Variants in C3orf20 observed in about 807,000 individuals in gnomAD.
The protein encoded by C3orf20 is family with sequence similarity 149 member C.
A neutral mutation model predicts 88.3 loss-of-function variants in C3orf20; 76 were observed. The ratio of observed to expected loss-of-function variants is 0.86; its 90% confidence interval spans 0.72 to 1.04. The LOEUF (loss-of-function observed/expected upper bound fraction) is 1.04, where lower values mean the gene tolerates loss of function less well. Ranked by LOEUF, C3orf20 falls within the 50% of genes least tolerant of loss-of-function variation. C3orf20 has a pLI of 0.00. For synonymous variants in C3orf20, 436 were observed against 437.4 expected, an observed-to-expected ratio of 1.00 and a Z score of 0.04; for missense variants, 1,056 against 1,123.3, an observed-to-expected ratio of 0.94 and a Z score of 0.86.
At chr3:14,738,807 A>ATTTT (rs1221697056) in intron 12 of C3orf20, among the ~76,000 whole-genome samples, 20 of 98,914 alleles carry the variant, frequency 2.0e-4, no homozygotes, top group African/African-American at 2.6e-4. Flanking sequence ...TGCCTGGCTA[A>ATTTT]TTTTTTTGTT....
intron 5 of C3orf20, among the ~76,000 whole-genome samples, chr3:14,693,448 CCTGA>C (rs1559400803): frequency 6.6e-6 from 1 of 151,592 alleles, no homozygotes; most frequent in Non-Finnish European, 1.5e-5. Context: ...TTCTTTAATT[CCTGA>C]CTATTTTAAA....
At chr3:14,764,480 T>TTTTTTATTA (rs770013903) in intron 15 of C3orf20, among the ~76,000 whole-genome samples, 332 of 148,744 alleles carry the variant, frequency 2.2e-3, no homozygotes, top group Non-Finnish European at 4.1e-3. Context: ...AACACAATCG[T>TTTTTTATTA]TTATTATTAT....
chr3:14,736,967 C>G (rs1022665727), intron 12 of C3orf20, among the ~76,000 whole-genome samples: 11 of 152,142 alleles, frequency 7.2e-5, no homozygotes, highest in Admixed American at 3.3e-4. Flanking sequence ...CTGGCTTCTA[C>G]CATTTTATTA....
intron 12 of C3orf20, among the ~76,000 whole-genome samples, chr3:14,730,411 G>A (rs995540089): frequency 1.3e-5 from 2 of 152,040 alleles, no homozygotes; most frequent in African/African-American, 4.8e-5. Context: ...GCCGGGTGTG[G>A]TGGTGGGCGC....
intron 4 of C3orf20, among the ~76,000 whole-genome samples, chr3:14,689,021 G>C (rs1382978553): frequency 6.6e-6 from 1 of 152,048 alleles, no homozygotes; most frequent in Non-Finnish European, 1.5e-5. Flanking sequence ...TATGCACCTG[G>C]CTTCTTATTT....
intron 12 of C3orf20, among the ~76,000 whole-genome samples, chr3:14,732,805 T>G (rs1383539640): frequency 1.3e-5 from 2 of 152,214 alleles, no homozygotes; most frequent in African/African-American, 4.8e-5. Flanking sequence ...CTGCTATGTT[T>G]TCTTCTAAAA....
Position 14,753,579 on chromosome 3 carries a change from T to C in C3orf20, c.1941-3792T>C, listed in dbSNP as rs10084704. On this transcript the variant is annotated intron_variant, in intron 12 of 16. Transcript: ENST00000253697. ...CCTTGGGGACAGTTTCTAGTAAATT[T>C]TTTTCCTGTGAGTGGTCCATACTTT... Among the ~76,000 whole-genome samples, 133 of 152,344 alleles carry C rather than the reference T, an allele frequency of 8.7e-4. 1 individual carries two copies. Among genetic ancestry groups the C allele is most frequent in the African/African-American group, 3.1e-3 (130 of 41,568 alleles).
At chr3:14,716,186 G>T (rs112887486) in intron 9 of C3orf20, among the ~76,000 whole-genome samples, 1 of 152,180 alleles carries the variant, frequency 6.6e-6, no homozygotes, top group Non-Finnish European at 1.5e-5. Context: ...TGTAGCCTCT[G>T]GGGGGCAAAA....
intron 5 of C3orf20, among the ~76,000 whole-genome samples, chr3:14,693,676 C>A (rs912684863): frequency 6.6e-6 from 1 of 152,054 alleles, no homozygotes; most frequent in Non-Finnish European, 1.5e-5. Flanking sequence ...TTTGGATGCC[C>A]TTTATTTCTT....
chr3:14,688,883 A>G (rs1358811330), intron 4 of C3orf20, among the ~76,000 whole-genome samples: 2 of 152,100 alleles, frequency 1.3e-5, no homozygotes, highest in Non-Finnish European at 2.9e-5. Context: ...ACATGGCTAT[A>G]TACTTTAAAT....
intron 9 of C3orf20, among the ~76,000 whole-genome samples, chr3:14,720,024 T>C (rs1423726051): frequency 6.6e-6 from 1 of 151,750 alleles, no homozygotes; most frequent in African/African-American, 2.4e-5. Flanking sequence ...TTGTTTTGTT[T>C]TGTTTTTTGT....
At chr3:14,679,937 A>C (rs932375074) in intron 1 of C3orf20, among the ~76,000 whole-genome samples, 2 of 152,246 alleles carry the variant, frequency 1.3e-5, no homozygotes, top group Non-Finnish European at 2.9e-5. Flanking sequence ...ATTAGTCATT[A>C]GGGAAATACA....
intron 12 of C3orf20, 109 bp downstream of exon 12, chr3:14,728,797 C>A: frequency 9.5e-7 from 1 of 1,056,634 alleles, no homozygotes; most frequent in Non-Finnish European, 1.4e-6. Flanking sequence ...GCTTAAATTC[C>A]AAGGGCAAGT....
At chr3:14,678,688 G>A (rs2031922566) in intron 1 of C3orf20, among the ~76,000 whole-genome samples, 1 of 152,156 alleles carries the variant, frequency 6.6e-6, no homozygotes, top group Non-Finnish European at 1.5e-5. Flanking sequence ...ATCTGCGTGG[G>A]TCCCTTAGGC....
intron 13 of C3orf20, among the ~76,000 whole-genome samples, chr3:14,758,508 C>A (rs12630941): frequency 0.029 from 4,397 of 152,264 alleles, 101 homozygotes; most frequent in East Asian, 0.13. Flanking sequence ...AGGCTGGCCC[C>A]AACCCCAGAC....
intron 12 of C3orf20, among the ~76,000 whole-genome samples, chr3:14,751,100 A>G (rs1394796242): frequency 6.6e-6 from 1 of 151,982 alleles, no homozygotes; most frequent in African/African-American, 2.4e-5. Context: ...TATTTTAGTT[A>G]TTTTACTTTT....
At chr3:14,691,631 A>C (rs1365164187) in intron 5 of C3orf20, among the ~76,000 whole-genome samples, 1 of 152,060 alleles carries the variant, frequency 6.6e-6, no homozygotes, top group Non-Finnish European at 1.5e-5. Flanking sequence ...TTTAATTTTA[A>C]ATTTTTGTGG....
chr3:14,735,597 A>AT (rs199506151), intron 12 of C3orf20, among the ~76,000 whole-genome samples: 3,077 of 145,180 alleles, frequency 0.021, 65 homozygotes, highest in African/African-American at 0.061. Flanking sequence ...ACTATTATGA[A>AT]TTTTTTTTTT....
intron 4 of C3orf20, among the ~76,000 whole-genome samples, chr3:14,687,034 T>C (rs2032467344): frequency 6.6e-6 from 1 of 152,216 alleles, no homozygotes; most frequent in Non-Finnish European, 1.5e-5. Flanking sequence ...CCAATGCCCC[T>C]GATGCCTGAT....
Sources: allele counts gnomAD v4.1 joint callset (sites outside exome capture counted in the v4.1 genomes callset), GRCh38; gene constraint gnomAD v4.1.1; transcripts MANE v1.5; gene names NCBI Gene and HGNC (gene_info 2026-07-23, HGNC 2026-07-21).